SEMA3D: variants seen among roughly 807,000 people sequenced by gnomAD.
SEMA3D encodes the protein semaphorin-3D.
SEMA3D carries 84 observed loss-of-function variants against 100.1 expected under a neutral mutation model. The ratio of observed to expected loss-of-function variants is 0.84; its 90% CI spans 0.70 to 1.01. The LOEUF (loss-of-function observed/expected upper bound fraction) is 1.01, where lower values mean the gene tolerates loss of function less well. Ranked by LOEUF, SEMA3D falls within the 50% of genes least tolerant of loss-of-function variation. The pLI is 0.00. For synonymous variants in SEMA3D, 312 were observed against 320.7 expected, an observed-to-expected ratio of 0.97 and a Z score of 0.29; for missense variants, 875 against 934.1, an observed-to-expected ratio of 0.94 and a Z score of 0.82.
intron 10 of SEMA3D, chr7:85,041,912 C>T (rs1562794182): frequency 2.3e-6 from 1 of 435,070 alleles, no homozygotes; most frequent in South Asian, 4.7e-5. Context: ...AGAGCTCACA[C>T]CTTTCTGTGT....
chr7:85,211,996 A>G, the SEMA3D span, among the ~76,000 whole-genome samples: 3 of 152,134 alleles, frequency 2.0e-5, no homozygotes, highest in East Asian at 3.8e-4. Context: ...TTGGAGAGTC[A>G]AAAGTTATCA....
intron 8 of SEMA3D, among the ~76,000 whole-genome samples, chr7:85,058,192 T>A (rs569778675): frequency 7.9e-5 from 12 of 152,258 alleles, no homozygotes; most frequent in African/African-American, 2.6e-4. Context: ...TTCTTGATAA[T>A]CTCACTTTGG....
chr7:85,033,542 T>C (rs188759541), intron 12 of SEMA3D, among the ~76,000 whole-genome samples: 36 of 152,238 alleles, frequency 2.4e-4, no homozygotes, highest in Non-Finnish European at 4.1e-4. Context: ...CGATACTTAT[T>C]TTCTATTTCT....
chr7:85,073,193 T>C (rs1050919848), intron 5 of SEMA3D, 112 bp from the exon 6 acceptor site: 2 of 950,544 alleles, frequency 2.1e-6, no homozygotes, highest in Non-Finnish European at 3.2e-6. Context: ...AGAGCACAAA[T>C]GAAAAAAGAT....
At chr7:85,029,975 C>A (rs948920299) in intron 12 of SEMA3D, among the ~76,000 whole-genome samples, 1 of 151,852 alleles carries the variant, frequency 6.6e-6, no homozygotes, top group Non-Finnish European at 1.5e-5. Flanking sequence ...ACAACCTCCA[C>A]CCCTGAATAA....
the SEMA3D span, among the ~76,000 whole-genome samples, chr7:85,214,986 C>G: frequency 6.6e-6 from 1 of 152,048 alleles, no homozygotes; most frequent in Non-Finnish European, 1.5e-5. Context: ...GTTTCCCTAT[C>G]AAGGTTATTT....
In SEMA3D at chr7:85,150,421, C is replaced by T. The variant is rs1333693725; in HGVS notation, c.-41+3187G>A. Among the ~76,000 whole-genome samples, 7 of 143,312 alleles carry T rather than the reference C, an allele frequency of 4.9e-5. No homozygotes were observed. The Admixed American group carries it at 5.0e-4, about 10-fold the overall frequency. 94.0% of individuals were successfully genotyped at this position (143,312 alleles called of 152,430 possible). On this transcript the variant is annotated intron_variant, in intron 2 of 18. Coordinates refer to ENST00000284136, the MANE Select transcript of SEMA3D (RefSeq NM_001384900.1). The stretch of plus-strand genomic sequence containing the variant: ...TTACAGGGATATATATATATACACA[C>T]ACACACATATATTTACAGGGATATA...
At position 85,027,700 on chromosome 7, in the gene SEMA3D, A is replaced by T. The variant is rs1251066558; in HGVS notation, c.1192-5087T>A. The T allele has an allele frequency of 1.3e-4, 38 of 292,194 alleles. No homozygotes were observed. The Admixed American group carries it at 1.8e-3, about 14-fold the overall frequency. The allele number at this position is 292,194 out of a possible 1,614,324, so 18.1% of individuals were successfully genotyped here. A position where few individuals can be genotyped will look rare whatever the true frequency, so the allele number is the denominator to read the frequency against. On this transcript the variant is annotated intron_variant, in intron 12 of 18. Coordinates refer to ENST00000284136, the MANE Select transcript of SEMA3D (RefSeq NM_001384900.1). ...GTTAGCTTAGTGTTTTTGATGTTTT[A>T]TGCGGCTTAATGTTTGTTTTCCCAA... is the stretch of plus-strand genomic sequence containing the variant.
intron 4 of SEMA3D, among the ~76,000 whole-genome samples, chr7:85,090,704 G>C (rs1583912559): frequency 1.3e-5 from 2 of 152,198 alleles, no homozygotes; most frequent in South Asian, 4.1e-4. Flanking sequence ...ACTGGAGTCA[G>C]AACATCATTC....
chr7:85,123,024 T>G (rs752364582), intron 2 of SEMA3D, among the ~76,000 whole-genome samples: 1 of 152,144 alleles, frequency 6.6e-6, no homozygotes, highest in Non-Finnish European at 1.5e-5. Flanking sequence ...ATGATTTAAT[T>G]TAAAAACAGC....
At chr7:85,200,241 G>T in the SEMA3D span, among the ~76,000 whole-genome samples, 1 of 152,212 alleles carries the variant, frequency 6.6e-6, no homozygotes, top group African/African-American at 2.4e-5. Flanking sequence ...GGAACAGTTT[G>T]GAGGGCTCAG....
At chr7:85,038,051 T>TG (rs1241046466) in intron 11 of SEMA3D, among the ~76,000 whole-genome samples, 63 of 2,432 alleles carry the variant, frequency 0.026, no homozygotes, top group African/African-American at 0.083. Flanking sequence ...TGTTGTGGGG[T>TG]GGGGGGGAGG....
At chr7:85,231,436 C>CTTT in the SEMA3D span, among the ~76,000 whole-genome samples, 212 of 117,848 alleles carry the variant, frequency 1.8e-3, 9 homozygotes, top group African/African-American at 6.0e-3. Context: ...CAATCTTTCC[C>CTTT]TTTTTTTTTT....
At position 85,080,282 on chromosome 7, in the gene SEMA3D, T is replaced by C. The variant is rs140615893; in HGVS notation, c.375+1235A>G. 4.5e-3 allele frequency among the ~76,000 whole-genome samples: 685 copies of C among 152,290 alleles called. 5 individuals are homozygous for C. The highest frequency in any genetic ancestry group is 0.016 in the African/African-American group (658 of 41,556). On this transcript the variant is annotated intron_variant, in intron 5 of 18. Transcript: ENST00000284136. ...ATATGATGAGTTTCATATACATATT[T>C]AGGATCTCTAAAAATATTTTTTGAA...
chr7:85,150,475 GAT>G (rs1034300387), intron 2 of SEMA3D, among the ~76,000 whole-genome samples: 121 of 114,928 alleles, frequency 1.1e-3, no homozygotes, highest in Non-Finnish European at 1.8e-3. Context: ...TATTTACAGG[GAT>G]ATATATATAT....
chr7:85,012,530 A>G (rs1789984263), intron 17 of SEMA3D, among the ~76,000 whole-genome samples: 1 of 151,874 alleles, frequency 6.6e-6, no homozygotes, highest in South Asian at 2.1e-4. Flanking sequence ...GTAGTAAAAA[A>G]GAAACAAAAG....
the SEMA3D span, among the ~76,000 whole-genome samples, chr7:85,241,946 A>G: frequency 1.3e-5 from 2 of 152,218 alleles, no homozygotes; most frequent in South Asian, 4.2e-4. Flanking sequence ...AGAAAAGGGA[A>G]CCGCTGTACA....
chr7:85,040,651 A>G, intron 11 of SEMA3D, 22 bp downstream of exon 11: 5 of 1,235,190 alleles, frequency 4.0e-6, no homozygotes, highest in Non-Finnish European at 6.0e-6. Context: ...CTGAAGCATT[A>G]AAAGCATTTT....
Position 85,098,511 on chromosome 7 carries a change from TA to T in SEMA3D, c.152-547del, listed in dbSNP as rs556904083. On this transcript the variant is annotated intron_variant, in intron 3 of 18. Transcript: ENST00000284136. ...TCTCTTAGCATTTTTTTCTACTTTTTAAAAAATACACTTTTTTTGGAGCGGT... is the reference window on the plus strand; with the variant it reads ...TCTCTTAGCATTTTTTTCTACTTTTTAAAAATACACTTTTTTTGGAGCGGT... Among the ~76,000 whole-genome samples the T allele has an allele frequency of 5.9e-5, 9 of 151,974 alleles. No homozygotes were observed. The East Asian group carries it at 1.6e-3, about 26-fold the overall frequency.
Sources: gnomAD v4.1 joint callset for allele counts (sites outside exome capture counted in the v4.1 genomes callset) on GRCh38, gnomAD v4.1.1 for gene constraint, MANE v1.5 for transcripts, NCBI Gene and HGNC (gene_info 2026-07-23, HGNC 2026-07-21) for gene names.